The following TEX101 variants were observed in gnomAD, a reference collection of about 807,000 sequenced individuals.
The protein encoded by TEX101 is testis expressed 101.
In TEX101, 10 loss-of-function variants were observed where a neutral mutation model predicts 18.1. The ratio of observed to expected loss-of-function variants is 0.55; its 90% CI spans 0.34 to 0.94. The LOEUF (loss-of-function observed/expected upper bound fraction) is 0.94, where lower values mean the gene tolerates loss of function less well. TEX101 is among the 40% of genes least tolerant of loss of function. The pLI, the probability that TEX101 is intolerant of heterozygous loss-of-function variation, is 0.02. For synonymous variants in TEX101, 94 were observed against 114.8 expected (o/e 0.82, Z 1.16); for missense variants, 259 against 298.9 (o/e 0.87, Z 0.98).
chr19:43,409,528 A>T (rs1259618726), intron 3 of TEX101, among the ~76,000 whole-genome samples: 2 of 152,144 alleles, frequency 1.3e-5, no homozygotes, highest in Non-Finnish European at 2.9e-5. Flanking sequence ...AATATTTTAC[A>T]TATAGGGAAA....
upstream of TEX101, among the ~76,000 whole-genome samples, chr19:43,412,556 C>G (rs1387828005): frequency 6.6e-6 from 1 of 152,066 alleles, no homozygotes; most frequent in African/African-American, 2.4e-5. Flanking sequence ...AAGGTCTCTT[C>G]TAGGTGTGAG....
In TEX101 at chr19:43,418,533, T is replaced by C. The variant is rs1337544293; in HGVS notation, c.*136T>C. The C allele has an allele frequency of 1.4e-6, 1 of 697,242 alleles. No homozygotes were observed. Among genetic ancestry groups the C allele is most frequent in the African/African-American group, 1.8e-5 (1 of 55,700 alleles). 43.2% of individuals were successfully genotyped at this position (697,242 alleles called of 1,614,324 possible). A position where few individuals can be genotyped will look rare whatever the true frequency, so the allele number is the denominator to read the frequency against. On this transcript the variant is annotated 3_prime_UTR_variant, in exon 6 of 6. Transcript: ENST00000598265. ...GATACTATGAACGTATTTGACATTT[T>C]TAATACAATTTCTGCTATAATTTTT...
chr19:43,398,286 CTT>C (rs1255953258), upstream of TEX101, among the ~76,000 whole-genome samples: 2 of 127,362 alleles, frequency 1.6e-5, no homozygotes, highest in Non-Finnish European at 3.2e-5. Context: ...TTTATATATA[CTT>C]TTTTTTGAGA....
chr19:43,406,462 AG>A, exon 3 of TEX101: 2 of 769,266 alleles, frequency 2.6e-6, no homozygotes, highest in Non-Finnish European at 4.8e-6. Context: ...GAGACAGGAG[AG>A]GGGGATCGGT....
chr19:43,411,046 A>C (rs143002303), upstream of TEX101, among the ~76,000 whole-genome samples: 4 of 152,066 alleles, frequency 2.6e-5, no homozygotes, highest in African/African-American at 9.6e-5. Context: ...CCAGCCTAGA[A>C]TCTTACTTGA....
At chr19:43,412,048 C>T (rs1970423978), upstream of TEX101, among the ~76,000 whole-genome samples, 1 of 152,166 alleles carries the variant, frequency 6.6e-6, no homozygotes, top group Admixed American at 6.6e-5. Context: ...CTCTCTTGCA[C>T]CAAAAAGGCA....
intron 2 of TEX101, chr19:43,402,936 A>G (rs1221472682): frequency 2.6e-5 from 4 of 152,190 alleles, no homozygotes; most frequent in East Asian, 1.9e-4. Context: ...CTCTAAATTC[A>G]TGAAAGCTTT....
Position 43,418,564 on chromosome 19 carries a change from C to T in TEX101, c.*167C>T, listed in dbSNP as rs1882913856. The T allele has an allele frequency of 1.6e-6, 1 of 612,186 alleles. No homozygotes were observed. Among genetic ancestry groups the T allele is most frequent in the East Asian group, 2.8e-5 (1 of 35,914 alleles). 37.9% of individuals were successfully genotyped at this position (612,186 alleles called of 1,614,324 possible). On this transcript the variant is annotated 3_prime_UTR_variant, in exon 6 of 6. Coordinates refer to ENST00000598265, the MANE Select transcript of TEX101 (RefSeq NM_001130011.3). ...CAATTTCTGCTATAATTTTTGTATG[C>T]AGTAGGCGTTACTAATAAACATTTC...
intron 3 of TEX101, among the ~76,000 whole-genome samples, chr19:43,406,956 T>G (rs1970371908): frequency 7.4e-6 from 1 of 135,990 alleles, no homozygotes; most frequent in Non-Finnish European, 1.6e-5. Context: ...TTTGACAGGG[T>G]CTCATTCTGT....
the TEX101 span, among the ~76,000 whole-genome samples, chr19:43,390,528 C>T: frequency 7.9e-5 from 9 of 113,284 alleles, no homozygotes; most frequent in South Asian, 3.2e-4. Flanking sequence ...AATGCAATGG[C>T]GTGATCTCGG....
chr19:43,406,475 G>C, exon 3 of TEX101: 1 of 769,666 alleles, frequency 1.3e-6, no homozygotes, highest in South Asian at 1.4e-5. Context: ...GGGATCGGTG[G>C]GCGGTCCCGC....
intron 4 of TEX101, 23 bp from the exon 5 acceptor site, chr19:43,417,855 C>G: frequency 6.2e-7 from 1 of 1,613,660 alleles, no homozygotes; most frequent in South Asian, 1.1e-5. Flanking sequence ...CTGCCCTTAA[C>G]TGTCTCTCTC....
intron 1 of TEX101, among the ~76,000 whole-genome samples, chr19:43,402,239 T>A (rs1168008018): frequency 6.6e-6 from 1 of 152,252 alleles, no homozygotes; most frequent in Non-Finnish European, 1.5e-5. Flanking sequence ...TCATTTGAAG[T>A]TTTTAGACAT....
chr19:43,417,871 C>T lies in TEX101; in HGVS notation c.392-7C>T. 2 of 1,613,950 alleles carry T rather than the reference C, an allele frequency of 1.2e-6. No homozygotes were observed. Among genetic ancestry groups the T allele is most frequent in the Non-Finnish European group, 1.7e-6 (2 of 1,179,906 alleles). ...TGCCCTTAACTGTCTCTCTCATTTCCCTCCAGCTTCCACTGTGTCAACAAC... is the reference window on the plus strand; with the variant it reads ...TGCCCTTAACTGTCTCTCTCATTTCTCTCCAGCTTCCACTGTGTCAACAAC... On this transcript the variant is annotated splice_polypyrimidine_tract_variant and splice_region_variant and intron_variant, in intron 4 of 5. Transcript: ENST00000598265.
chr19:43,400,169 A>G (rs1442466325), upstream of TEX101, among the ~76,000 whole-genome samples: 1 of 152,160 alleles, frequency 6.6e-6, no homozygotes, highest in Non-Finnish European at 1.5e-5. Flanking sequence ...CTGCTTTGGC[A>G]TGGAAAATAT....
At chr19:43,394,638 T>G in the TEX101 span, among the ~76,000 whole-genome samples, 1 of 152,046 alleles carries the variant, frequency 6.6e-6, no homozygotes, top group African/African-American at 2.4e-5. Context: ...ACCCAGCCAA[T>G]TTTTTGTATT....
upstream of TEX101, among the ~76,000 whole-genome samples, chr19:43,399,866 A>T (rs1266111389): frequency 7.0e-6 from 1 of 142,918 alleles, no homozygotes; most frequent in African/African-American, 2.6e-5. Flanking sequence ...GGAGTGCTGG[A>T]GTGCAATGGT....
the TEX101 span, among the ~76,000 whole-genome samples, chr19:43,392,270 G>A: frequency 6.6e-6 from 1 of 152,110 alleles, no homozygotes; most frequent in Non-Finnish European, 1.5e-5. Context: ...AGCCAGAGAA[G>A]TAGAAGGTGA....
chr19:43,415,020 C>G lies in TEX101; in HGVS notation c.-58C>G. The G allele has an allele frequency of 4.1e-6, 4 of 985,414 alleles. No individual in the cohort carries two copies. Among genetic ancestry groups the G allele is most frequent in the Non-Finnish European group, 3.6e-6 (3 of 829,938 alleles). 61.0% of individuals were successfully genotyped at this position (985,414 alleles called of 1,614,324 possible). A position where few individuals can be genotyped will look rare whatever the true frequency, so the allele number is the denominator to read the frequency against. Reference sequence around the variant, plus strand: ...AAAGAGAAAAAGAAGGCTAGGGACTCAGATTCCTGGATTCTGAGGAAAGAG... The same window carrying G: ...AAAGAGAAAAAGAAGGCTAGGGACTGAGATTCCTGGATTCTGAGGAAAGAG... On this transcript the variant is annotated 5_prime_UTR_variant, in exon 1 of 6. An upstream open reading frame in the 5' UTR gains an earlier in-frame stop. Coordinates refer to ENST00000598265, the MANE Select transcript of TEX101 (RefSeq NM_001130011.3).
Sources: allele counts gnomAD v4.1 joint callset (sites outside exome capture counted in the v4.1 genomes callset), GRCh38; gene constraint gnomAD v4.1.1; transcripts MANE v1.5; gene names NCBI Gene and HGNC (gene_info 2026-07-23, HGNC 2026-07-21).